The following MCTP1 variants were observed in gnomAD, a reference collection of about 807,000 sequenced individuals.
The protein encoded by MCTP1 is multiple C2 and transmembrane domain containing 1.
A neutral mutation model predicts 120.6 loss-of-function variants in MCTP1; 69 were observed. The ratio of observed to expected loss-of-function variants is 0.57; its 90% CI spans 0.47 to 0.70. The LOEUF (loss-of-function observed/expected upper bound fraction) is 0.70. Among genes scored for constraint, MCTP1 ranks in the 30% least tolerant of loss-of-function variants. MCTP1 has a pLI of 0.00. For missense variants in MCTP1, 1,203 were observed against 1,248.8 expected (o/e 0.96, Z 0.55); for synonymous variants, 529 against 493.1 (o/e 1.07, Z -0.96).
At chr5:95,240,418 A>G (rs1756034789) in intron 1 of MCTP1, among the ~76,000 whole-genome samples, 4 of 152,188 alleles carry the variant, frequency 2.6e-5, no homozygotes, top group African/African-American at 9.7e-5. Flanking sequence ...AAACAAAGTG[A>G]AGGTGGGCAT....
At chr5:94,711,983 A>G (rs1406720126) in intron 20 of MCTP1, among the ~76,000 whole-genome samples, 1 of 152,110 alleles carries the variant, frequency 6.6e-6, no homozygotes, top group Non-Finnish European at 1.5e-5. Flanking sequence ...ATATAAATAT[A>G]TCACCATTTA....
chr5:95,214,759 G>T (rs1425555651), intron 1 of MCTP1, among the ~76,000 whole-genome samples: 2 of 150,744 alleles, frequency 1.3e-5, no homozygotes, highest in Admixed American at 1.3e-4. Context: ...GCAAACTATG[G>T]CAAGGACAAA....
chr5:94,907,557 T>C (rs989925424), intron 10 of MCTP1, among the ~76,000 whole-genome samples: 2 of 151,972 alleles, frequency 1.3e-5, no homozygotes, highest in Non-Finnish European at 2.9e-5. Context: ...CAATTTGTAC[T>C]GTTTTCTCAA....
rs1754419747 is a variant in MCTP1, at chr5:94,705,802, T to C, written c.*1694A>G. 6.6e-6 allele frequency: 1 copy of C among 151,660 alleles called. No individual in the cohort carries two copies. The highest frequency in any genetic ancestry group is 1.5e-5 in the Non-Finnish European group (1 of 67,728). The allele number at this position is 151,660 out of a possible 1,614,324, so 9.4% of individuals were successfully genotyped here. A position where few individuals can be genotyped will look rare whatever the true frequency, so the allele number is the denominator to read the frequency against. On this transcript the variant is annotated 3_prime_UTR_variant, in exon 23 of 23. Transcript: ENST00000515393. ...TATCTCATCAATAAACTTTCTGTAG[T>C]AACATCATGTTCATGGAACATTATG... is the stretch of plus-strand genomic sequence containing the variant.
intron 11 of MCTP1, among the ~76,000 whole-genome samples, chr5:94,891,834 G>A (rs978022228): frequency 2.6e-5 from 4 of 151,994 alleles, no homozygotes; most frequent in Non-Finnish European, 4.4e-5. Context: ...TCATCAAGAG[G>A]TATTCCTGCC....
At chr5:95,154,305 T>C (rs1744852161) in intron 1 of MCTP1, 1 of 151,796 alleles carries the variant, frequency 6.6e-6, no homozygotes, top group African/African-American at 2.4e-5. Context: ...CAATCAAAAG[T>C]GCAGCTTGCT....
At chr5:95,161,113 A>T (rs942315507) in intron 1 of MCTP1, among the ~76,000 whole-genome samples, 3 of 152,204 alleles carry the variant, frequency 2.0e-5, no homozygotes, top group Admixed American at 1.3e-4. Flanking sequence ...AGGGACTGAA[A>T]TCAGTATGCT....
chr5:94,924,732 T>G (rs1203165244), intron 6 of MCTP1, among the ~76,000 whole-genome samples: 2 of 152,224 alleles, frequency 1.3e-5, no homozygotes, highest in Non-Finnish European at 2.9e-5. Context: ...TTCCCTTAAA[T>G]GTTAAAGCTT....
chr5:95,015,596 T>G (rs191442181), intron 2 of MCTP1, among the ~76,000 whole-genome samples: 1 of 152,162 alleles, frequency 6.6e-6, no homozygotes, highest in Admixed American at 6.6e-5. Context: ...CAAATTCTTA[T>G]GTATTTCTTT....
intron 4 of MCTP1, among the ~76,000 whole-genome samples, chr5:94,940,631 C>T (rs1464594232): frequency 7.0e-6 from 1 of 142,006 alleles, no homozygotes; most frequent in Non-Finnish European, 1.5e-5. Context: ...TATATATACA[C>T]ATATACATAC....
chr5:95,101,179 G>C (rs908923728), intron 1 of MCTP1, among the ~76,000 whole-genome samples: 14 of 151,784 alleles, frequency 9.2e-5, no homozygotes, highest in African/African-American at 3.4e-4. Flanking sequence ...TTTTGCAAAA[G>C]AATTTCAGCT....
chr5:94,865,601 G>T (rs1402681367), intron 17 of MCTP1, among the ~76,000 whole-genome samples: 1 of 151,708 alleles, frequency 6.6e-6, no homozygotes, highest in African/African-American at 2.4e-5. Flanking sequence ...CAATAAACAG[G>T]GCTAAAATGT....
intron 19 of MCTP1, among the ~76,000 whole-genome samples, chr5:94,748,384 A>G (rs1440972229): frequency 6.6e-6 from 1 of 152,228 alleles, no homozygotes; most frequent in East Asian, 1.9e-4. Flanking sequence ...GGCTTCTCAG[A>G]GTAGTTCTGA....
chr5:95,081,838 G>GT, intron 1 of MCTP1: 1 of 1,017,146 alleles, frequency 9.8e-7, no homozygotes, highest in Non-Finnish European at 1.2e-6. Context: ...AATCAAACAT[G>GT]CAGTGTTAGT....
At chr5:95,049,711 T>C (rs1424648682) in intron 1 of MCTP1, among the ~76,000 whole-genome samples, 2 of 152,176 alleles carry the variant, frequency 1.3e-5, no homozygotes, top group African/African-American at 4.8e-5. Flanking sequence ...TTTACCATGA[T>C]GCGCAGACAT....
At chr5:94,798,979 A>G in intron 18 of MCTP1, 34 bp downstream of exon 18, 1 of 1,593,864 alleles carries the variant, frequency 6.3e-7, no homozygotes, top group South Asian at 1.1e-5. Flanking sequence ...GAATAAGAAC[A>G]AAAACACATA....
At chr5:95,003,335 A>G (rs1207523077) in intron 2 of MCTP1, among the ~76,000 whole-genome samples, 1 of 152,218 alleles carries the variant, frequency 6.6e-6, no homozygotes, top group African/African-American at 2.4e-5. Flanking sequence ...AATTGCCTAC[A>G]GTATTAACTG....
At chr5:95,238,133 G>A (rs374001237) in intron 1 of MCTP1, among the ~76,000 whole-genome samples, 2 of 152,214 alleles carry the variant, frequency 1.3e-5, no homozygotes, top group South Asian at 4.2e-4. Context: ...AACATCCATC[G>A]CCATGTGAGA....
chr5:94,748,100 A>C (rs547903053), intron 19 of MCTP1, among the ~76,000 whole-genome samples: 11 of 152,174 alleles, frequency 7.2e-5, no homozygotes, highest in Non-Finnish European at 7.3e-5. Context: ...CAAGAAAGAA[A>C]CCATAAGGAA....
Sources: allele counts gnomAD v4.1 joint callset (sites outside exome capture counted in the v4.1 genomes callset), GRCh38; gene constraint gnomAD v4.1.1; transcripts MANE v1.5; gene names NCBI Gene and HGNC (gene_info 2026-07-23, HGNC 2026-07-21).